Variants in FNTB observed in about 807,000 individuals in gnomAD.
The protein encoded by FNTB is farnesyltransferase, CAAX box, subunit beta, also known as protein farnesyltransferase subunit beta.
In FNTB, 27 loss-of-function variants were observed where a neutral mutation model predicts 59.4. The observed-to-expected ratio is 0.45, with a 90% confidence interval of 0.34 to 0.63. The LOEUF is 0.63. Among genes scored for constraint, FNTB ranks in the 20% least tolerant of loss-of-function variants. FNTB has a pLI of 0.02. For synonymous variants in FNTB, 230 were observed against 220.7 expected (o/e 1.04, Z -0.37); for missense variants, 449 against 559.6 (o/e 0.80, Z 1.99).
intron 8 of FNTB, among the ~76,000 whole-genome samples, chr14:65,043,714 C>T (rs1266138081): frequency 3.3e-5 from 5 of 150,174 alleles, no homozygotes; most frequent in African/African-American, 7.3e-5. Context: ...CCCAGCTACT[C>T]GGGAGGCTGA....
At chr14:65,026,016 C>G (rs7148820) in intron 4 of FNTB, among the ~76,000 whole-genome samples, 1 of 152,180 alleles carries the variant, frequency 6.6e-6, no homozygotes, top group Non-Finnish European at 1.5e-5. Flanking sequence ...AAATCGAAAG[C>G]AATTAAATGT....
In FNTB at chr14:64,994,439, A is replaced by G. The variant is rs927005209; in HGVS notation, c.144+7342A>G. Among the ~76,000 whole-genome samples, 4 of 152,210 alleles carry G rather than the reference A, an allele frequency of 2.6e-5. No homozygotes were observed. Among genetic ancestry groups the G allele is most frequent in the African/African-American group, 9.6e-5 (4 of 41,454 alleles). ...TTGTCATGTGAACATCATAGAGTGT[A>G]CTTAACACAAATGTAGATGGCATAG... is the stretch of plus-strand genomic sequence containing the variant. On this transcript the variant is annotated intron_variant, in intron 1 of 11. Transcript: ENST00000246166. The surrounding 1 kb of genome is among the most constrained non-coding windows in gnomAD (Gnocchi z 4.2).
rs1280788920 is a variant in FNTB, at chr14:65,012,949, T to C, written c.282+560T>C. On this transcript the variant is annotated intron_variant, in intron 3 of 11. Coordinates refer to ENST00000246166, the MANE Select transcript of FNTB (RefSeq NM_002028.4). This position sits in a 1 kb window ranked among gnomAD's most constrained non-coding sequence, Gnocchi z 5.0. ...AGTGGTCCTTGCAATTTAACATTACTGTTTAAGAGTAGATCTTTAATATTT... is the reference window on the plus strand; with the variant it reads ...AGTGGTCCTTGCAATTTAACATTACCGTTTAAGAGTAGATCTTTAATATTT... Among the ~76,000 whole-genome samples the C allele has an allele frequency of 6.6e-6, 1 of 152,230 alleles. No homozygotes were observed. The highest frequency in any genetic ancestry group is 1.5e-5 in the Non-Finnish European group (1 of 68,038).
chr14:65,029,132 T>C lies in FNTB; in HGVS notation c.605+1351T>C, dbSNP rs781576501. On this transcript the variant is annotated intron_variant, in intron 6 of 11. Coordinates refer to ENST00000246166, the MANE Select transcript of FNTB (RefSeq NM_002028.4). This position sits in a 1 kb window ranked among gnomAD's most constrained non-coding sequence, Gnocchi z 4.7. ...AGCCATATTCTTCCCTGACCTTTGC[T>C]CTTTGGGTGATGCTCTGCCATTCGT... Among the ~76,000 whole-genome samples, 1 of 152,190 alleles carries C rather than the reference T, an allele frequency of 6.6e-6. No homozygotes were observed. Among genetic ancestry groups the C allele is most frequent in the Non-Finnish European group, 1.5e-5 (1 of 68,032 alleles).
intron 7 of FNTB, among the ~76,000 whole-genome samples, chr14:65,035,308 G>A (rs1353317072): frequency 6.6e-6 from 1 of 152,156 alleles, no homozygotes; most frequent in African/African-American, 2.4e-5. Context: ...GCTGTTCTCT[G>A]TTCCAAGTTT....
chr14:64,989,864 A>G (rs1191357464), intron 1 of FNTB, among the ~76,000 whole-genome samples: 1 of 152,164 alleles, frequency 6.6e-6, no homozygotes, highest in Admixed American at 6.5e-5. Context: ...TCAATATAAA[A>G]TGTTAATTAG....
intron 4 of FNTB, chr14:65,021,924 G>A (rs1312834926): frequency 1.8e-5 from 8 of 455,908 alleles, no homozygotes; most frequent in South Asian, 7.7e-5. Flanking sequence ...AGGATTATAG[G>A]CGTGAGCCAC....
At chr14:65,040,046 C>T (rs138323271) in intron 7 of FNTB, among the ~76,000 whole-genome samples, 17 of 151,974 alleles carry the variant, frequency 1.1e-4, no homozygotes, top group Admixed American at 7.9e-4. Context: ...AAAAATGGTC[C>T]GGGTATGGTG....
intron 11 of FNTB, among the ~76,000 whole-genome samples, chr14:65,058,785 C>T (rs980069493): frequency 1.3e-5 from 2 of 152,106 alleles, no homozygotes; most frequent in Non-Finnish European, 2.9e-5. Context: ...CCAGGATAAG[C>T]CCTTCTTGGT....
In FNTB at chr14:65,031,982, G is replaced by A. The variant is rs1566557416; in HGVS notation, c.606-628G>A. On this transcript the variant is annotated intron_variant, in intron 6 of 11. Coordinates refer to ENST00000246166, the MANE Select transcript of FNTB (RefSeq NM_002028.4). The surrounding 1 kb of genome is among the most constrained non-coding windows in gnomAD (Gnocchi z 4.6). ...GACGTGCGCCTTTTTCATTTAACGT[G>A]TGTGTGTGTGTGTGTGTGTGTGTGT... Among the ~76,000 whole-genome samples, 1 of 94,904 alleles carries A rather than the reference G, an allele frequency of 1.1e-5. No homozygotes were observed. Among genetic ancestry groups the A allele is most frequent in the African/African-American group, 5.0e-5 (1 of 19,940 alleles). The allele number at this position is 94,904 out of a possible 152,430, so 62.3% of individuals were successfully genotyped here. A position where few individuals can be genotyped will look rare whatever the true frequency, so the allele number is the denominator to read the frequency against.
intron 2 of FNTB, 142 bp downstream of exon 2, chr14:65,004,455 A>G (rs2061551229): frequency 1.2e-6 from 1 of 861,308 alleles, no homozygotes; most frequent in African/African-American, 1.7e-5. Context: ...TTACCTGGAT[A>G]TGCTAAGACC....
intron 2 of FNTB, among the ~76,000 whole-genome samples, chr14:65,005,312 A>G (rs1296152174): frequency 2.6e-5 from 4 of 152,178 alleles, no homozygotes; most frequent in Non-Finnish European, 5.9e-5. Context: ...TCATTCTTGT[A>G]TTAGTACTTC....
intron 11 of FNTB, among the ~76,000 whole-genome samples, chr14:65,056,290 C>A (rs1378762907): frequency 6.6e-6 from 1 of 152,068 alleles, no homozygotes; most frequent in Admixed American, 6.6e-5. Flanking sequence ...TAAATGTACC[C>A]CAGTGTGTTT....
Position 64,991,301 on chromosome 14 carries a change from A to G in FNTB, c.144+4204A>G, listed in dbSNP as rs1446565989. 1.3e-5 allele frequency among the ~76,000 whole-genome samples: 2 copies of G among 152,144 alleles called. No homozygotes were observed. Among genetic ancestry groups the G allele is most frequent in the Non-Finnish European group, 2.9e-5 (2 of 68,024 alleles). ...CAAAATTCTTTTATCTTAGAGAGAT[A>G]AAAAAGAATATGCTGTAAGGCCGAG... is the stretch of plus-strand genomic sequence containing the variant. On this transcript the variant is annotated intron_variant, in intron 1 of 11. Transcript: ENST00000246166. This position sits in a 1 kb window ranked among gnomAD's most constrained non-coding sequence, Gnocchi z 4.4.
At chr14:64,993,424 T>G (rs1377509667) in intron 1 of FNTB, among the ~76,000 whole-genome samples, 2 of 152,230 alleles carry the variant, frequency 1.3e-5, no homozygotes, top group African/African-American at 4.8e-5. Flanking sequence ...TAACTGAGGT[T>G]GTTTTAGGGT....
intron 4 of FNTB, among the ~76,000 whole-genome samples, chr14:65,021,050 G>A (rs1030634868): frequency 2.6e-5 from 4 of 152,174 alleles, no homozygotes; most frequent in African/African-American, 7.2e-5. Context: ...CTTTTAAGAG[G>A]TTATATGCAC....
At chr14:65,017,124 T>C (rs1246802781) in intron 4 of FNTB, among the ~76,000 whole-genome samples, 1 of 152,048 alleles carries the variant, frequency 6.6e-6, no homozygotes, top group African/African-American at 2.4e-5. Flanking sequence ...GCTTTCACCA[T>C]ATTGACCAGG....
At chr14:65,051,316 T>C (rs2062603111) in intron 9 of FNTB, among the ~76,000 whole-genome samples, 1 of 152,230 alleles carries the variant, frequency 6.6e-6, no homozygotes. Flanking sequence ...GTTTGAAATA[T>C]TCAACAATTT....
chr14:65,039,916 C>T (rs1009941370), intron 7 of FNTB, among the ~76,000 whole-genome samples: 2 of 152,102 alleles, frequency 1.3e-5, no homozygotes, highest in East Asian at 1.9e-4. Context: ...AGGCCAAGTG[C>T]GGTGGCCCAT....
Sources: gnomAD v4.1 joint callset for allele counts (sites outside exome capture counted in the v4.1 genomes callset) on GRCh38, gnomAD v4.1.1 for gene constraint, Gnocchi (gnomAD v3.1) non-coding constraint, MANE v1.5 for transcripts, NCBI Gene and HGNC (gene_info 2026-07-23, HGNC 2026-07-21) for gene names.